The following MRPS17 variants were observed in gnomAD, a reference collection of about 807,000 sequenced individuals.
The protein encoded by MRPS17 is small ribosomal subunit protein uS17m.
MRPS17 carries 6 observed loss-of-function variants against 11.3 expected under a neutral mutation model. That is an observed-to-expected ratio of 0.53 (90% confidence interval 0.29 to 1.05). The LOEUF is 1.05. MRPS17 is among the 50% of genes least tolerant of loss of function. The pLI is 0.08. For missense variants in MRPS17, 139 were observed against 153.6 expected, an observed-to-expected ratio of 0.90 and a Z score of 0.50; for synonymous variants, 56 against 60.4, an observed-to-expected ratio of 0.93 and a Z score of 0.34.
Position 55,955,235 on chromosome 7 carries a change from A to G in MRPS17, c.*57A>G. 2 of 1,552,732 alleles carry G rather than the reference A, an allele frequency of 1.3e-6. No homozygotes were observed. The highest frequency in any genetic ancestry group is 1.2e-5 in the South Asian group (1 of 81,394). ...AACTGACATGTTTATGTTATGGAAA[A>G]AGAAATTTTTCTAAGTTTCATCACA... is the stretch of plus-strand genomic sequence containing the variant. On this transcript the variant is annotated 3_prime_UTR_variant, in exon 3 of 3. Coordinates refer to ENST00000285298, the MANE Select transcript of MRPS17 (RefSeq NM_015969.3).
chr7:55,954,886 T>G, intron 2 of MRPS17, 23 bp from the exon 3 acceptor site: 2 of 1,605,382 alleles, frequency 1.2e-6, no homozygotes, highest in Non-Finnish European at 1.7e-6. Context: ...ACTACTGATT[T>G]GCTTCTCTCC....
rs377578293 is a variant in MRPS17, at chr7:55,955,036, T to C, written c.251T>C (p.Ile84Thr). ...AKHVKHELAE[I>T]VFKVGKVIDP... ...CATGTGAAACATGAACTGGCTGAGA[T>C]CGTTTTCAAAGTTGGAAAAGTCATA... The change falls in exon 3 of 3, where the codon ATC becomes ACC. Residue 84 changes from isoleucine to threonine, a missense_variant. Physicochemically the swap from Ile to Thr is moderately conservative, Grantham distance 89. Coordinates refer to ENST00000285298, the MANE Select transcript of MRPS17 (RefSeq NM_015969.3). 2 of 1,614,124 alleles carry C rather than the reference T, an allele frequency of 1.2e-6. No individual in the cohort carries two copies. Among genetic ancestry groups the C allele is most frequent in the African/African-American group, 2.7e-5 (2 of 75,020 alleles).
rs373852557 is a variant in MRPS17, at chr7:55,953,254, C to T, written c.59C>T (p.Thr20Ile). The change falls in exon 2 of 3, where the codon ACA (threonine) becomes ATA (isoleucine). Residue 20 changes from threonine (T) to isoleucine (I), a missense_variant. Physicochemically the swap from Thr to Ile is moderately conservative, Grantham distance 89. Coordinates refer to ENST00000285298, the MANE Select transcript of MRPS17 (RefSeq NM_015969.3). The stretch of plus-strand genomic sequence containing the variant: ...TGGATTGTGGGGAAGGTGATTGGGA[C>T]AAAAATGCAAAAGACTGCTAAAGTG... ...ARWIVGKVIG[T>I]KMQKTAKVRV... 6 of 1,614,076 alleles carry T rather than the reference C, an allele frequency of 3.7e-6. No individual in the cohort carries two copies. Among genetic ancestry groups the T allele is most frequent in the Middle Eastern group, 1.7e-4 (1 of 6,060 alleles).
chr7:55,952,449 C>G lies in MRPS17; in HGVS notation c.-18+519C>G, dbSNP rs28469879. Among the ~76,000 whole-genome samples, 1,315 of 152,278 alleles carry G rather than the reference C, an allele frequency of 8.6e-3. 21 individuals carry two copies. Among genetic ancestry groups the G allele is most frequent in the African/African-American group, 0.03 (1,254 of 41,556 alleles). ...TGTAAGCATCTCTGAAATGGTGATTCAAGCCGGGCGCGGTGGCTCACGCCT... is the reference window on the plus strand; with the variant it reads ...TGTAAGCATCTCTGAAATGGTGATTGAAGCCGGGCGCGGTGGCTCACGCCT... On this transcript the variant is annotated intron_variant, in intron 1 of 2. Transcript: ENST00000285298.
Position 55,955,181 on chromosome 7 carries a change from C to T in MRPS17, c.*3C>T, listed in dbSNP as rs1284001500. The T allele has an allele frequency of 1.9e-6, 3 of 1,609,410 alleles. No homozygotes were observed. Among genetic ancestry groups the T allele is most frequent in the African/African-American group, 1.3e-5 (1 of 74,648 alleles). On this transcript the variant is annotated 3_prime_UTR_variant, in exon 3 of 3. Coordinates refer to ENST00000285298, the MANE Select transcript of MRPS17 (RefSeq NM_015969.3). ...TCAATATCTCTTCAGCACAGTGAAG[C>T]GGGAGTGGAAGAAGGATCTAAAGGG...
chr7:55,953,446 C>T (rs1465543340), intron 2 of MRPS17, 128 bp downstream of exon 2: 20 of 1,352,420 alleles, frequency 1.5e-5, no homozygotes, highest in Non-Finnish European at 1.9e-5. Flanking sequence ...AGGCATTTTG[C>T]TGGTCTGTAG....
rs577090028 is a variant in MRPS17, at chr7:55,954,922, G to A, written c.137G>A (p.Arg46Gln). Residue 46 changes from arginine to glutamine, a missense_variant, in exon 3 of 3, where the codon CGG becomes CAG. Physicochemically the swap from Arg to Gln is conservative, Grantham distance 43. Coordinates refer to ENST00000285298, the MANE Select transcript of MRPS17 (RefSeq NM_015969.3). ...CTCTCTCAACAGTATTTTAATAAGC[G>A]GAAAACCTACTTTGCTCACGATGCC... is the stretch of plus-strand genomic sequence containing the variant. ...DPYLLKYFNK[R>Q]KTYFAHDALQ... is the part of the protein sequence containing the mutation. The A allele has an allele frequency of 1.4e-5, 22 of 1,613,540 alleles. No individual in the cohort carries two copies. Among genetic ancestry groups the A allele is most frequent in the Middle Eastern group, 1.6e-4 (1 of 6,062 alleles).
chr7:55,955,377 G>A lies in MRPS17; in HGVS notation c.*199G>A, dbSNP rs1356811184. Reference sequence around the variant, plus strand: ...CGTGTTTCAAATTTTCATCATTTCAGTGAACATACTTCCACGTTACATTAA... The same window carrying A: ...CGTGTTTCAAATTTTCATCATTTCAATGAACATACTTCCACGTTACATTAA... On this transcript the variant is annotated 3_prime_UTR_variant, in exon 3 of 3. Coordinates refer to ENST00000285298, the MANE Select transcript of MRPS17 (RefSeq NM_015969.3). 3.1e-6 allele frequency: 2 copies of A among 639,862 alleles called. No individual in the cohort carries two copies. The highest frequency in any genetic ancestry group is 1.8e-5 in the African/African-American group (1 of 54,320). 39.6% of individuals were successfully genotyped at this position (639,862 alleles called of 1,614,324 possible).
In MRPS17 at chr7:55,953,217, G is replaced by A. The variant is rs762666393; in HGVS notation, c.22G>A (p.Val8Ile). The change falls in exon 2 of 3, where the codon GTC (valine) becomes ATC (isoleucine). Residue 8 changes from valine (V) to isoleucine (I), a missense_variant. Val to Ile is a conservative substitution (Grantham distance 29). Transcript: ENST00000285298. Reference sequence around the variant, plus strand: ...CGTAATGTCCGTAGTTCGCTCATCCGTCCATGCCAGATGGATTGTGGGGAA... The same window carrying A: ...CGTAATGTCCGTAGTTCGCTCATCCATCCATGCCAGATGGATTGTGGGGAA... The part of the protein sequence containing the change: MSVVRSS[V>I]HARWIVGKVI... The A allele has an allele frequency of 3.1e-6, 5 of 1,614,062 alleles. No individual in the cohort carries two copies. The highest frequency in any genetic ancestry group is 1.1e-5 in the South Asian group (1 of 91,092).
rs1273693580 is a variant in MRPS17, at chr7:55,954,923, G to A, written c.138G>A (p.Arg46=). The A allele has an allele frequency of 3.7e-6, 6 of 1,613,680 alleles. No homozygotes were observed. Among genetic ancestry groups the A allele is most frequent in the Non-Finnish European group, 5.1e-6 (6 of 1,179,638 alleles). Residue 46 remains arginine (R), a synonymous_variant, in exon 3 of 3, where the codon CGG becomes CGA. Transcript: ENST00000285298. ...TCTCTCAACAGTATTTTAATAAGCG[G>A]AAAACCTACTTTGCTCACGATGCCC... ...DPYLLKYFNK[R]KTYFAHDALQ...
chr7:55,953,394 ATC>A, intron 2 of MRPS17, 76 bp downstream of exon 2: 1 of 1,569,684 alleles, frequency 6.4e-7, no homozygotes, highest in East Asian at 2.2e-5. Context: ...AAAAACATTT[ATC>A]TCTCAGTAAA....
rs1786704104 is a variant in MRPS17 at position 55,954,924 on chromosome 7, A to G, written c.139A>G (p.Lys47Glu). The change falls in exon 3 of 3, where the codon AAA (lysine) becomes GAA (glutamate). Residue 47 changes from lysine (K) to glutamate (E), a missense_variant. Coordinates refer to ENST00000285298, the MANE Select transcript of MRPS17 (RefSeq NM_015969.3). ...CTCTCAACAGTATTTTAATAAGCGG[A>G]AAACCTACTTTGCTCACGATGCCCT... ...PYLLKYFNKR[K>E]TYFAHDALQQ... is the part of the protein sequence containing the mutation. 1 of 1,613,640 alleles carries G rather than the reference A, an allele frequency of 6.2e-7. No individual in the cohort carries two copies. Among genetic ancestry groups the G allele is most frequent in the Non-Finnish European group, 8.5e-7 (1 of 1,179,676 alleles).
Position 55,955,192 on chromosome 7 carries a change from G to T in MRPS17, c.*14G>T. 2 of 1,607,304 alleles carry T rather than the reference G, an allele frequency of 1.2e-6. No individual in the cohort carries two copies. The highest frequency in any genetic ancestry group is 1.1e-5 in the South Asian group (1 of 90,274). ...TCAGCACAGTGAAGCGGGAGTGGAAGAAGGATCTAAAGGGAAAAACTGACA... is the reference window on the plus strand; with the variant it reads ...TCAGCACAGTGAAGCGGGAGTGGAATAAGGATCTAAAGGGAAAAACTGACA... On this transcript the variant is annotated 3_prime_UTR_variant, in exon 3 of 3. Coordinates refer to ENST00000285298, the MANE Select transcript of MRPS17 (RefSeq NM_015969.3).
intron 2 of MRPS17, 131 bp downstream of exon 2, chr7:55,953,449 G>A (rs951971110): frequency 5.9e-5 from 76 of 1,289,978 alleles, no homozygotes; most frequent in Non-Finnish European, 7.8e-5. Flanking sequence ...CATTTTGCTG[G>A]TCTGTAGGTA....
Position 55,955,112 on chromosome 7 carries a change from G to T in MRPS17, c.327G>T (p.Pro109=). The T allele has an allele frequency of 6.2e-7, 1 of 1,614,136 alleles. No homozygotes were observed. The highest frequency in any genetic ancestry group is 8.5e-7 in the Non-Finnish European group (1 of 1,180,038). ...PCAGTTYLES[P]LSSETTQLSK... is the part of the protein sequence containing the mutation. ...CTGGAACTACCTACCTGGAGAGTCCGTTGAGTTCGGAAACCACCCAGCTAA... is the reference window on the plus strand; with the variant it reads ...CTGGAACTACCTACCTGGAGAGTCCTTTGAGTTCGGAAACCACCCAGCTAA... The change falls in exon 3 of 3, where the codon CCG becomes CCT. Residue 109 remains proline (P), a synonymous_variant. Coordinates refer to ENST00000285298, the MANE Select transcript of MRPS17 (RefSeq NM_015969.3).
At position 55,952,460 on chromosome 7, in the gene MRPS17, C is replaced by G. The variant is rs190783338; in HGVS notation, c.-18+530C>G. 9.3e-4 allele frequency among the ~76,000 whole-genome samples: 142 copies of G among 152,314 alleles called. 1 individual carries two copies. The Middle Eastern group carries it at 0.01, about 11-fold the overall frequency. Reference sequence around the variant, plus strand: ...CTGAAATGGTGATTCAAGCCGGGCGCGGTGGCTCACGCCTCTTAATCCCAG... The same window carrying G: ...CTGAAATGGTGATTCAAGCCGGGCGGGGTGGCTCACGCCTCTTAATCCCAG... On this transcript the variant is annotated intron_variant, in intron 1 of 2. Transcript: ENST00000285298.
intron 1 of MRPS17, 71 bp downstream of exon 1, chr7:55,952,001 A>G (rs10260048): frequency 0.82 from 125,147 of 152,512 alleles, 51,886 homozygotes; most frequent in African/African-American, 0.95. Flanking sequence ...CTGGGGACCC[A>G]AGGCACCCTC....
intron 1 of MRPS17, among the ~76,000 whole-genome samples, chr7:55,952,433 C>T (rs1156456619): frequency 6.6e-6 from 1 of 152,182 alleles, no homozygotes; most frequent in Non-Finnish European, 1.5e-5. Flanking sequence ...GTGTAAGCAT[C>T]TCTGAAATGG....
At chr7:55,954,782 C>G in intron 2 of MRPS17, 127 bp from the exon 3 acceptor site, 1 of 1,144,980 alleles carries the variant, frequency 8.7e-7, no homozygotes, top group African/African-American at 1.6e-5. Flanking sequence ...GTACTAGAAG[C>G]CTCCTTAGTA....
Sources: allele counts gnomAD v4.1 joint callset (sites outside exome capture counted in the v4.1 genomes callset), GRCh38; gene constraint gnomAD v4.1.1; transcripts MANE v1.5; gene names NCBI Gene and HGNC (gene_info 2026-07-23, HGNC 2026-07-21).